The following ZNF148 variants were observed in gnomAD, a reference collection of about 807,000 sequenced individuals.
ZNF148 encodes the protein zinc finger protein 148.
Under a neutral mutation model 67.7 loss-of-function variants are expected in ZNF148, and 7 were observed. The ratio of observed to expected loss-of-function variants is 0.10; its 90% CI spans 0.06 to 0.19. ZNF148 has a LOEUF of 0.19. Among genes scored for constraint, ZNF148 ranks in the 10% least tolerant of loss-of-function variants. The pLI is 1.00. For missense variants in ZNF148, 583 were observed against 947.1 expected, an observed-to-expected ratio of 0.62 and a Z score of 5.05; for synonymous variants, 333 against 330.7, an observed-to-expected ratio of 1.01 and a Z score of -0.08.
intron 1 of ZNF148, among the ~76,000 whole-genome samples, chr3:125,340,708 C>T (rs527364071): frequency 1.3e-5 from 2 of 152,084 alleles, no homozygotes; most frequent in African/African-American, 2.4e-5. Context: ...CCATGATGGC[C>T]GGGCGCGGTG....
chr3:125,367,628 CTCATTCAT>C (rs577193105), intron 1 of ZNF148, among the ~76,000 whole-genome samples: 11 of 152,138 alleles, frequency 7.2e-5, no homozygotes, highest in Non-Finnish European at 1.2e-4. Flanking sequence ...TCTCAAATAT[CTCATTCAT>C]TCATTCATTC....
At chr3:125,282,029 T>C (rs1302149612) in intron 5 of ZNF148, among the ~76,000 whole-genome samples, 2 of 152,194 alleles carry the variant, frequency 1.3e-5, no homozygotes, top group Non-Finnish European at 2.9e-5. Flanking sequence ...GGCTGCCTGC[T>C]GTCCATAACA....
chr3:125,292,193 C>T (rs991257943), intron 4 of ZNF148, among the ~76,000 whole-genome samples: 3 of 152,264 alleles, frequency 2.0e-5, no homozygotes, highest in South Asian at 2.1e-4. Flanking sequence ...GATGGATAGG[C>T]CTGTGTGAAT....
At chr3:125,247,195 C>T (rs563146880) in intron 7 of ZNF148, among the ~76,000 whole-genome samples, 4 of 152,182 alleles carry the variant, frequency 2.6e-5, no homozygotes, top group Admixed American at 6.5e-5. Context: ...TTCCCTAGAA[C>T]GCAGGGCAGT....
intron 4 of ZNF148, among the ~76,000 whole-genome samples, chr3:125,288,797 C>G (rs900110312): frequency 6.6e-6 from 1 of 152,220 alleles, no homozygotes; most frequent in South Asian, 2.1e-4. Context: ...CCAGTACTTT[C>G]CTGGGCTCTA....
At chr3:125,287,336 T>C (rs1327952501) in intron 5 of ZNF148, among the ~76,000 whole-genome samples, 1 of 152,132 alleles carries the variant, frequency 6.6e-6, no homozygotes, top group Non-Finnish European at 1.5e-5. Context: ...CAGCTATCAC[T>C]ATACTAAAGA....
Position 125,229,177 on chromosome 3 carries a change from TAA to T in ZNF148, c.*3162_*3163del, listed in dbSNP as rs1193264348. 1 of 151,028 alleles carries T rather than the reference TAA, an allele frequency of 6.6e-6. No individual in the cohort carries two copies. The highest frequency in any genetic ancestry group is 1.5e-5 in the Non-Finnish European group (1 of 67,892). The allele number at this position is 151,028 out of a possible 1,614,324, so 9.4% of individuals were successfully genotyped here. On this transcript the variant is annotated 3_prime_UTR_variant, in exon 9 of 9. Transcript: ENST00000360647. ...TGTTCTAAGAAATGCAGTACTACAG[TAA>T]TGCCTACTTTTAAAGTTTCCCGGCC...
At chr3:125,322,027 CTTTTTTTT>C (rs35879999) in intron 3 of ZNF148, among the ~76,000 whole-genome samples, 3 of 82,928 alleles carry the variant, frequency 3.6e-5, no homozygotes, top group Non-Finnish European at 6.4e-5. Flanking sequence ...TAATCAACGG[CTTTTTTTT>C]TTTTTTTTTT....
At chr3:125,369,937 C>T (rs1942825046) in intron 1 of ZNF148, among the ~76,000 whole-genome samples, 1 of 151,582 alleles carries the variant, frequency 6.6e-6, no homozygotes, top group African/African-American at 2.4e-5. Flanking sequence ...GAGCTGAGAT[C>T]GCACCACTGC....
rs188761808 is a variant in ZNF148, at chr3:125,295,237, C to T, written c.334-7009G>A. On this transcript the variant is annotated intron_variant, in intron 4 of 8. Coordinates refer to ENST00000360647, the MANE Select transcript of ZNF148 (RefSeq NM_021964.3). ...TTGGGAGGCCGAGGTGGGTGGATCA[C>T]GAGGTCAGAAATTCAAGACCAGCTG... 3.7e-3 allele frequency among the ~76,000 whole-genome samples: 562 copies of T among 152,084 alleles called. 1 individual carries two copies. The highest frequency in any genetic ancestry group is 5.8e-3 in the Non-Finnish European group (397 of 67,946).
chr3:125,365,138 G>C (rs1942662497), intron 1 of ZNF148, among the ~76,000 whole-genome samples: 1 of 152,166 alleles, frequency 6.6e-6, no homozygotes, highest in South Asian at 2.1e-4. Flanking sequence ...AATTCCTGAA[G>C]AACACGGACT....
chr3:125,342,591 TA>T lies in ZNF148; in HGVS notation c.-233-11354del, dbSNP rs796332274. Among the ~76,000 whole-genome samples the T allele has an allele frequency of 8.6e-3, 1,224 of 141,600 alleles. 5 individuals are homozygous for T. Among genetic ancestry groups the T allele is most frequent in the African/African-American group, 0.02 (784 of 39,002 alleles). 92.9% of individuals were successfully genotyped at this position (141,600 alleles called of 152,430 possible). On this transcript the variant is annotated intron_variant, in intron 1 of 8. Coordinates refer to ENST00000360647, the MANE Select transcript of ZNF148 (RefSeq NM_021964.3). ...AGTATATTCTCAAATGAAGAAAAGTTAAAAAAAAAAAAGTCTCTAGCACACC... is the reference window on the plus strand; with the variant it reads ...AGTATATTCTCAAATGAAGAAAAGTTAAAAAAAAAAAGTCTCTAGCACACC...
chr3:125,284,345 A>G (rs1938545999), intron 5 of ZNF148, among the ~76,000 whole-genome samples: 1 of 152,180 alleles, frequency 6.6e-6, no homozygotes, highest in Non-Finnish European at 1.5e-5. Flanking sequence ...GCTTAAGAGT[A>G]TAACAGTCAC....
intron 2 of ZNF148, among the ~76,000 whole-genome samples, chr3:125,328,648 A>T (rs1317750815): frequency 6.7e-6 from 1 of 149,616 alleles, no homozygotes; most frequent in Non-Finnish European, 1.5e-5. Flanking sequence ...TGGAAAACTT[A>T]AAAAAAAAAT....
chr3:125,372,791 A>G (rs1942933153), intron 1 of ZNF148, among the ~76,000 whole-genome samples: 1 of 151,416 alleles, frequency 6.6e-6, no homozygotes, highest in African/African-American at 2.4e-5. Flanking sequence ...ACACGGAGAA[A>G]CTCCATCTCT....
At chr3:125,352,394 G>A in intron 1 of ZNF148, among the ~76,000 whole-genome samples, 1 of 152,164 alleles carries the variant, frequency 6.6e-6, no homozygotes. Context: ...GAGGAAGAGG[G>A]AATGGAAATT....
chr3:125,317,375 A>C (rs1289050460), intron 3 of ZNF148, among the ~76,000 whole-genome samples: 1 of 152,112 alleles, frequency 6.6e-6, no homozygotes, highest in Non-Finnish European at 1.5e-5. Context: ...ACTGCTAGGG[A>C]TATACAGTAT....
rs144057320 is a variant in ZNF148, at chr3:125,302,157, G to T, written c.333+11151C>A. ...TTTGGGAGGCCAAGGTGGGAGGATC[G>T]CTTGAGCCCAGGAGTTCAAGAGCAG... On this transcript the variant is annotated intron_variant, in intron 4 of 8. Coordinates refer to ENST00000360647, the MANE Select transcript of ZNF148 (RefSeq NM_021964.3). 2.4e-3 allele frequency among the ~76,000 whole-genome samples: 369 copies of T among 151,944 alleles called. 1 individual carries two copies. The highest frequency in any genetic ancestry group is 8.2e-3 in the African/African-American group (339 of 41,438).
In ZNF148 at chr3:125,229,436, A is replaced by G. The variant is rs1291377408; in HGVS notation, c.*2905T>C. 1 of 152,166 alleles carries G rather than the reference A, an allele frequency of 6.6e-6. No individual in the cohort carries two copies. Among genetic ancestry groups the G allele is most frequent in the African/African-American group, 2.4e-5 (1 of 41,436 alleles). 9.4% of individuals were successfully genotyped at this position (152,166 alleles called of 1,614,324 possible). On this transcript the variant is annotated 3_prime_UTR_variant, in exon 9 of 9. Coordinates refer to ENST00000360647, the MANE Select transcript of ZNF148 (RefSeq NM_021964.3). The stretch of plus-strand genomic sequence containing the variant: ...TAAGAAGATGGATTCCTACCTTGTT[A>G]AGTACCACATTTGCATGTAGACCCA...
Sources: gnomAD v4.1 joint callset for allele counts (sites outside exome capture counted in the v4.1 genomes callset) on GRCh38, gnomAD v4.1.1 for gene constraint, MANE v1.5 for transcripts, NCBI Gene and HGNC (gene_info 2026-07-23, HGNC 2026-07-21) for gene names.